The following VRK2 variants were observed in gnomAD, a reference collection of about 807,000 sequenced individuals.
The protein encoded by VRK2 is VRK serine/threonine kinase 2.
VRK2 carries 60 observed loss-of-function variants against 57.6 expected under a neutral mutation model. The observed-to-expected ratio is 1.04, with a 90% CI of 0.85 to 1.29. The LOEUF is 1.29. Ranked by LOEUF, VRK2 falls within the 50% of genes most tolerant of loss-of-function variation. The pLI is 0.00. For missense variants in VRK2, 705 were observed against 588.1 expected (o/e 1.20, Z -2.06); for synonymous variants, 231 against 199.2 (o/e 1.16, Z -1.35).
rs1391045187 is a variant in VRK2 at position 58,031,968 on chromosome 2, C to T, written c.-332-1259C>T. Among the ~76,000 whole-genome samples the T allele has an allele frequency of 2.0e-5, 3 of 152,118 alleles. No individual in the cohort carries two copies. In the East Asian group the frequency reaches 5.8e-4, roughly 29 times the overall value. The stretch of plus-strand genomic sequence containing the variant: ...CACACAATCAGTGTCTTACAATGAC[C>T]TTTCACCCTACACAACTTCAAATCA... On this transcript the variant is annotated intron_variant, in intron 2 of 15. Coordinates refer to the VRK2 transcript ENST00000417641.
intron 8 of VRK2, among the ~76,000 whole-genome samples, chr2:58,130,855 C>G (rs557722198): frequency 1.3e-5 from 2 of 151,914 alleles, no homozygotes; most frequent in East Asian, 3.9e-4. Context: ...GTTTATTTTA[C>G]GGGTATTTGC....
intron 8 of VRK2, among the ~76,000 whole-genome samples, chr2:58,127,067 TATG>T (rs1265604301): frequency 6.6e-6 from 1 of 152,128 alleles, no homozygotes; most frequent in Non-Finnish European, 1.5e-5. Flanking sequence ...GACCATAAAA[TATG>T]ATATCTAAAT....
In VRK2 at chr2:58,017,192, C is replaced by T. The variant is rs538428547; in HGVS notation, c.-438-8473C>T. On this transcript the variant is annotated intron_variant, in intron 1 of 15. Coordinates refer to the VRK2 transcript ENST00000417641. ...TGAATAGCCCAAAGTAAGCTGAGCACCTGTCCCTACCTTTCCACCTGACGT... is the reference window on the plus strand; with the variant it reads ...TGAATAGCCCAAAGTAAGCTGAGCATCTGTCCCTACCTTTCCACCTGACGT... 4.6e-5 allele frequency among the ~76,000 whole-genome samples: 7 copies of T among 152,244 alleles called. No individual in the cohort carries two copies. The South Asian group carries it at 1.5e-3, about 32-fold the overall frequency.
chr2:57,949,045 C>T (rs528450567), intron 1 of VRK2, among the ~76,000 whole-genome samples: 9 of 88,634 alleles, frequency 1.0e-4, no homozygotes, highest in African/African-American at 5.0e-4. Context: ...AGTAAAATTG[C>T]AAAACATTAA....
In VRK2 at chr2:58,016,608, C is replaced by T. The variant is rs936702622; in HGVS notation, c.-438-9057C>T. Among the ~76,000 whole-genome samples the T allele has an allele frequency of 5.9e-5, 9 of 152,186 alleles. No individual in the cohort carries two copies. In the South Asian group the frequency reaches 1.0e-3, roughly 18 times the overall value. On this transcript the variant is annotated intron_variant, in intron 1 of 15. Transcript: ENST00000417641. ...CTCTTGACCTCAGGTGATCTGCCCG[C>T]CTCAGCCTCCAAAAGTGCTGGGATT... is the stretch of plus-strand genomic sequence containing the variant.
In VRK2 at chr2:58,116,525, G is replaced by A. The variant is rs1389702800; in HGVS notation, c.544-6576G>A. On this transcript the variant is annotated intron_variant, in intron 7 of 12. Coordinates refer to ENST00000340157, the MANE Select transcript of VRK2 (RefSeq NM_006296.7). The stretch of plus-strand genomic sequence containing the variant: ...TGTCAATACCCACAACAGTTATGGA[G>A]GCAAGGGAAACAGGCCCTTGAAAAG... 3.9e-5 allele frequency among the ~76,000 whole-genome samples: 6 copies of A among 152,254 alleles called. No individual in the cohort carries two copies. The East Asian group carries it at 1.2e-3, about 29-fold the overall frequency.
At chr2:58,024,544 G>C (rs1673865688) in intron 1 of VRK2, among the ~76,000 whole-genome samples, 1 of 152,064 alleles carries the variant, frequency 6.6e-6, no homozygotes, top group Admixed American at 6.6e-5. Flanking sequence ...TAACAATACT[G>C]TTTATTTTTG....
chr2:58,135,235 T>C, intron 10 of VRK2, 36 bp downstream of exon 10: 1 of 1,611,502 alleles, frequency 6.2e-7, no homozygotes, highest in East Asian at 2.2e-5. Context: ...TCTCTTACGA[T>C]TTACAGGTTG....
intron 1 of VRK2, among the ~76,000 whole-genome samples, chr2:57,977,290 T>C (rs1672281878): frequency 6.6e-6 from 1 of 152,184 alleles, no homozygotes; most frequent in Non-Finnish European, 1.5e-5. Flanking sequence ...TAGTATTAAA[T>C]CTATAAATTG....
At chr2:58,154,490 A>G (rs1256601817) in intron 12 of VRK2, among the ~76,000 whole-genome samples, 1 of 151,956 alleles carries the variant, frequency 6.6e-6, no homozygotes, top group Non-Finnish European at 1.5e-5. Flanking sequence ...CTTGGGGTGC[A>G]AACAGATTAT....
chr2:58,065,683 A>C lies in VRK2; in HGVS notation c.136+16716A>C, dbSNP rs529332506. Among the ~76,000 whole-genome samples the C allele has an allele frequency of 2.6e-5, 4 of 152,304 alleles. No homozygotes were observed. The South Asian group carries it at 8.3e-4, about 32-fold the overall frequency. On this transcript the variant is annotated intron_variant, in intron 2 of 12. Transcript: ENST00000340157. The stretch of plus-strand genomic sequence containing the variant: ...AATTGATATTGAGCTAAATCTATTG[A>C]TAAATTTGGGGAAAATTAACATTTC...
chr2:57,907,595 A>G (rs778366022), upstream of VRK2: 1 of 152,192 alleles, frequency 6.6e-6, no homozygotes, highest in Non-Finnish European at 1.5e-5. Context: ...AACAACTAGC[A>G]TTTCCAAACA....
intron 1 of VRK2, among the ~76,000 whole-genome samples, chr2:57,915,826 G>A (rs113026901): frequency 6.6e-6 from 1 of 152,278 alleles, no homozygotes; most frequent in East Asian, 1.9e-4. Context: ...CAGCATTACA[G>A]CCTGAGCTCC....
At chr2:58,032,980 T>G (rs1379054384) in intron 2 of VRK2, among the ~76,000 whole-genome samples, 1 of 152,134 alleles carries the variant, frequency 6.6e-6, no homozygotes, top group Non-Finnish European at 1.5e-5. Flanking sequence ...TGGTAGCCAG[T>G]GCACACTGAA....
chr2:58,085,053 A>G, intron 4 of VRK2, 103 bp downstream of exon 4: 2 of 1,067,908 alleles, frequency 1.9e-6, no homozygotes, highest in South Asian at 1.7e-5. Flanking sequence ...TCTTTTCAAT[A>G]GAAATTTTAT....
At chr2:57,965,686 T>A (rs1671895235) in intron 1 of VRK2, among the ~76,000 whole-genome samples, 1 of 152,178 alleles carries the variant, frequency 6.6e-6, no homozygotes, top group Non-Finnish European at 1.5e-5. Flanking sequence ...AGACATGACC[T>A]TTATTAGACT....
At chr2:57,923,723 T>C (rs1670434410) in intron 1 of VRK2, among the ~76,000 whole-genome samples, 1 of 152,030 alleles carries the variant, frequency 6.6e-6, no homozygotes. Context: ...GCTGAAGCTT[T>C]TTAGTTAGTT....
chr2:57,983,864 T>C (rs1025202176), intron 1 of VRK2, among the ~76,000 whole-genome samples: 3 of 152,206 alleles, frequency 2.0e-5, no homozygotes, highest in Non-Finnish European at 4.4e-5. Flanking sequence ...TGATCTTTTT[T>C]CTTTGATCAA....
intron 1 of VRK2, among the ~76,000 whole-genome samples, chr2:57,959,680 C>G (rs1671695474): frequency 6.6e-6 from 1 of 152,158 alleles, no homozygotes; most frequent in Non-Finnish European, 1.5e-5. Context: ...TGCAGAAGCT[C>G]AAGACAGCTT....
Sources: gnomAD v4.1 joint callset for allele counts (sites outside exome capture counted in the v4.1 genomes callset) on GRCh38, gnomAD v4.1.1 for gene constraint, MANE v1.5 for transcripts, NCBI Gene and HGNC (gene_info 2026-07-23, HGNC 2026-07-21) for gene names.